The following EPHA5 variants were observed in gnomAD, a reference collection of about 807,000 sequenced individuals.
The protein encoded by EPHA5 is EPH receptor A5.
EPHA5 carries 60 observed loss-of-function variants against 105.0 expected under a neutral mutation model. That is an observed-to-expected ratio of 0.57 (90% CI 0.46 to 0.71). The LOEUF (loss-of-function observed/expected upper bound fraction) is 0.71, where lower values mean the gene tolerates loss of function less well. EPHA5 is among the 30% of genes least tolerant of loss of function. The probability of loss-of-function intolerance (pLI) is 0.00; values close to 1 mark genes in which losing one functional copy is unlikely to be tolerated. For missense variants in EPHA5, 1,218 were observed against 1,274.7 expected, an observed-to-expected ratio of 0.96 and a Z score of 0.68; for synonymous variants, 513 against 449.1, an observed-to-expected ratio of 1.14 and a Z score of -1.80.
chr4:65,522,237 C>T (rs1734803023), intron 3 of EPHA5, among the ~76,000 whole-genome samples: 1 of 151,002 alleles, frequency 6.6e-6, no homozygotes, highest in Non-Finnish European at 1.5e-5. Flanking sequence ...TTTCCTGCTT[C>T]TTCCCTAGTC....
intron 3 of EPHA5, among the ~76,000 whole-genome samples, chr4:65,501,912 C>A (rs952516632): frequency 6.6e-6 from 1 of 151,568 alleles, no homozygotes; most frequent in Non-Finnish European, 1.5e-5. Flanking sequence ...GACACATAAA[C>A]GAATGGAACA....
At chr4:65,462,599 C>A (rs1024489988) in intron 5 of EPHA5, among the ~76,000 whole-genome samples, 5 of 152,134 alleles carry the variant, frequency 3.3e-5, no homozygotes, top group Admixed American at 1.3e-4. Context: ...ATGACCTGGT[C>A]AGGGCACTCC....
chr4:65,369,260 T>A (rs2148900671), intron 8 of EPHA5, among the ~76,000 whole-genome samples: 1 of 152,318 alleles, frequency 6.6e-6, no homozygotes, highest in South Asian at 2.1e-4. Flanking sequence ...GAATGAACAC[T>A]GAATTGATGA....
intron 5 of EPHA5, among the ~76,000 whole-genome samples, chr4:65,477,334 T>C (rs540240084): frequency 4.2e-4 from 64 of 152,296 alleles, no homozygotes; most frequent in South Asian, 8.3e-4. Context: ...GTATAAGAAT[T>C]GGTTTAGATT....
chr4:65,345,990 T>A (rs1419576461), intron 14 of EPHA5, among the ~76,000 whole-genome samples: 1 of 151,898 alleles, frequency 6.6e-6, no homozygotes, highest in Non-Finnish European at 1.5e-5. Flanking sequence ...GCCAGGATGG[T>A]CTGACCTCAC....
chr4:65,508,339 G>A (rs187344012), intron 3 of EPHA5, among the ~76,000 whole-genome samples: 1 of 152,060 alleles, frequency 6.6e-6, no homozygotes, highest in Admixed American at 6.6e-5. Flanking sequence ...GTATGTTGTG[G>A]TTAACGCAAT....
At chr4:65,375,953 T>C (rs554814024) in intron 8 of EPHA5, among the ~76,000 whole-genome samples, 62 of 152,094 alleles carry the variant, frequency 4.1e-4, no homozygotes, top group Middle Eastern at 3.4e-3. Context: ...ACTTTAAAAC[T>C]TTCTCCAAAT....
intron 3 of EPHA5, among the ~76,000 whole-genome samples, chr4:65,562,510 G>A (rs1739117285): frequency 6.6e-6 from 1 of 152,002 alleles, no homozygotes; most frequent in Non-Finnish European, 1.5e-5. Flanking sequence ...AAAAATTTTA[G>A]ATAGTTGAAG....
At chr4:65,581,011 G>C (rs1741565621) in intron 3 of EPHA5, among the ~76,000 whole-genome samples, 1 of 151,628 alleles carries the variant, frequency 6.6e-6, no homozygotes, top group African/African-American at 2.4e-5. Context: ...TCTATCTTTG[G>C]TGTCACTGCC....
chr4:65,335,480 G>C (rs945809778), intron 15 of EPHA5, among the ~76,000 whole-genome samples: 2 of 151,938 alleles, frequency 1.3e-5, no homozygotes, highest in African/African-American at 4.8e-5. Context: ...CCCTAAAATT[G>C]TCAATGTTTC....
At chr4:65,345,487 C>G (rs1722125591) in intron 14 of EPHA5, among the ~76,000 whole-genome samples, 1 of 152,262 alleles carries the variant, frequency 6.6e-6, no homozygotes, top group Admixed American at 6.5e-5. Context: ...AGAGAAGGCA[C>G]TGCTAGTGCA....
intron 3 of EPHA5, among the ~76,000 whole-genome samples, chr4:65,557,294 A>G (rs2149350987): frequency 1.4e-5 from 2 of 142,008 alleles, no homozygotes; most frequent in Middle Eastern, 3.8e-3. Flanking sequence ...CATCTTATTA[A>G]CGTTTGGGCA....
chr4:65,365,925 G>T lies in EPHA5; in HGVS notation c.1987+7C>A. 2.5e-6 allele frequency: 4 copies of T among 1,603,952 alleles called. No homozygotes were observed. Among genetic ancestry groups the T allele is most frequent in the Non-Finnish European group, 2.6e-6 (3 of 1,172,960 alleles). On this transcript the variant is annotated splice_region_variant and intron_variant, in intron 10 of 16. Transcript: ENST00000613740. ...GTTAAAAATGAAAGTCAAACACATT[G>T]TCGTACCTGCTCCAATAACTCTCTC...
chr4:65,375,270 T>C (rs780712355), intron 8 of EPHA5, among the ~76,000 whole-genome samples: 2 of 151,888 alleles, frequency 1.3e-5, no homozygotes, highest in Non-Finnish European at 2.9e-5. Context: ...CTAAATGCAT[T>C]TGTGGCTAAA....
intron 14 of EPHA5, among the ~76,000 whole-genome samples, chr4:65,347,222 G>C (rs1722307132): frequency 6.6e-6 from 1 of 152,120 alleles, no homozygotes; most frequent in Non-Finnish European, 1.5e-5. Context: ...AATTAAAACT[G>C]TTCAATATAC....
intron 1 of EPHA5, among the ~76,000 whole-genome samples, chr4:65,650,090 C>T (rs1392795158): frequency 2.0e-5 from 3 of 152,128 alleles, no homozygotes; most frequent in Admixed American, 1.3e-4. Context: ...CCTAAAACTC[C>T]TGTAAATTTG....
chr4:65,503,445 A>G (rs1172094506), intron 3 of EPHA5, among the ~76,000 whole-genome samples: 2 of 151,832 alleles, frequency 1.3e-5, no homozygotes, highest in African/African-American at 4.8e-5. Flanking sequence ...ATCTAGGGTT[A>G]ACTGGCTAAC....
At chr4:65,454,344 C>T (rs1262472397) in intron 5 of EPHA5, among the ~76,000 whole-genome samples, 1 of 151,884 alleles carries the variant, frequency 6.6e-6, no homozygotes, top group Non-Finnish European at 1.5e-5. Context: ...CAATGGTCCT[C>T]AGCAAATATG....
chr4:65,617,349 T>G (rs1034600583), intron 2 of EPHA5, among the ~76,000 whole-genome samples: 4 of 152,098 alleles, frequency 2.6e-5, no homozygotes, highest in African/African-American at 9.7e-5. Context: ...TGTTGGTGTA[T>G]CGCCCTCTCC....
Sources: gnomAD v4.1 joint callset for allele counts (sites outside exome capture counted in the v4.1 genomes callset) on GRCh38, gnomAD v4.1.1 for gene constraint, MANE v1.5 for transcripts, NCBI Gene and HGNC (gene_info 2026-07-23, HGNC 2026-07-21) for gene names.